GPHN: variants seen among roughly 807,000 people sequenced by gnomAD.
GPHN encodes the protein gephyrin.
A neutral mutation model predicts 95.5 loss-of-function variants in GPHN; 17 were observed. The ratio of observed to expected loss-of-function variants is 0.18; its 90% CI spans 0.12 to 0.27. The LOEUF (loss-of-function observed/expected upper bound fraction) is 0.27. GPHN is among the 10% of genes least tolerant of loss of function. GPHN has a pLI of 1.00. For missense variants in GPHN, 660 were observed against 978.1 expected, an observed-to-expected ratio of 0.67 and a Z score of 4.34; for synonymous variants, 320 against 322.5, an observed-to-expected ratio of 0.99 and a Z score of 0.08.
chr14:66,509,075 T>C, intron 1 of GPHN: 1 of 203,422 alleles, frequency 4.9e-6, no homozygotes, highest in South Asian at 8.6e-5. Flanking sequence ...TGTGCTTGCC[T>C]GGACGAGACT....
intron 9 of GPHN, among the ~76,000 whole-genome samples, chr14:67,023,164 A>G (rs955822876): frequency 6.6e-6 from 1 of 152,106 alleles, no homozygotes; most frequent in African/African-American, 2.4e-5. Context: ...TGTAAATGTT[A>G]TATAAGGATT....
intron 1 of GPHN, among the ~76,000 whole-genome samples, chr14:66,510,855 C>G (rs1034922235): frequency 6.6e-6 from 1 of 151,926 alleles, no homozygotes; most frequent in African/African-American, 2.4e-5. Flanking sequence ...GTAACATTAA[C>G]ATTGACAGTG....
intron 6 of GPHN, among the ~76,000 whole-genome samples, chr14:66,919,364 TA>T (rs1185849376): frequency 6.6e-6 from 1 of 152,070 alleles, no homozygotes; most frequent in African/African-American, 2.4e-5. Flanking sequence ...GCATGTGTGT[TA>T]AAAAAATGAT....
chr14:67,306,336 T>A, the GPHN span, among the ~76,000 whole-genome samples: 1 of 151,958 alleles, frequency 6.6e-6, no homozygotes, highest in African/African-American at 2.4e-5. Flanking sequence ...CTTTTCCTTC[T>A]TTTCTCTTTT....
At chr14:67,287,925 T>C in the GPHN span, among the ~76,000 whole-genome samples, 1 of 152,206 alleles carries the variant, frequency 6.6e-6, no homozygotes, top group South Asian at 2.1e-4. Flanking sequence ...CAGAAACTCC[T>C]TGGCCTTAAA....
chr14:66,907,387 A>G (rs1337912182), intron 5 of GPHN, among the ~76,000 whole-genome samples: 1 of 152,212 alleles, frequency 6.6e-6, no homozygotes, highest in East Asian at 1.9e-4. Context: ...TTATAAGAAC[A>G]GTAAAATGAT....
At chr14:66,616,459 T>G (rs2063039878) in intron 1 of GPHN, among the ~76,000 whole-genome samples, 2 of 151,632 alleles carry the variant, frequency 1.3e-5, no homozygotes, top group South Asian at 4.2e-4. Context: ...GTTTCAGTTG[T>G]CAGGTCCCTC....
chr14:66,623,640 C>T (rs1832090178), intron 1 of GPHN, among the ~76,000 whole-genome samples: 1 of 141,586 alleles, frequency 7.1e-6, no homozygotes, highest in East Asian at 2.0e-4. Context: ...AAAAAAAAAG[C>T]AAAGTCATGC....
chr14:66,932,793 C>G (rs2066896749), intron 8 of GPHN, among the ~76,000 whole-genome samples: 1 of 151,856 alleles, frequency 6.6e-6, no homozygotes, highest in South Asian at 2.1e-4. Context: ...GCCTTTCTGG[C>G]CCAAGGCAAG....
chr14:66,620,219 A>G (rs778866960), intron 1 of GPHN, among the ~76,000 whole-genome samples: 3 of 152,180 alleles, frequency 2.0e-5, no homozygotes, highest in Non-Finnish European at 2.9e-5. Context: ...CAGTATTGCT[A>G]TGGCTGCATA....
intron 4 of GPHN, among the ~76,000 whole-genome samples, chr14:66,874,899 T>C (rs1278573980): frequency 6.6e-6 from 1 of 151,890 alleles, no homozygotes; most frequent in Non-Finnish European, 1.5e-5. Flanking sequence ...ATTCAGGAAA[T>C]ACAAAGAACA....
chr14:66,781,610 T>G (rs1272843155), intron 3 of GPHN, among the ~76,000 whole-genome samples: 2 of 152,248 alleles, frequency 1.3e-5, no homozygotes, highest in Non-Finnish European at 2.9e-5. Context: ...TCATGTTTGC[T>G]CTCTTTGAAC....
At chr14:67,368,411 C>T in the GPHN span, among the ~76,000 whole-genome samples, 692 of 152,182 alleles carry the variant, frequency 4.5e-3, 1 homozygote, top group African/African-American at 8.1e-3. Flanking sequence ...CCCCACCTGA[C>T]GGAGGGGCAG....
At chr14:67,611,583 T>C in the GPHN span, among the ~76,000 whole-genome samples, 2 of 152,138 alleles carry the variant, frequency 1.3e-5, no homozygotes, top group African/African-American at 4.8e-5. Context: ...ACCCTGTAAT[T>C]GTATCACTGG....
At chr14:67,615,767 C>A in the GPHN span, 11,441 of 515,984 alleles carry the variant, frequency 0.022, 505 homozygotes, top group African/African-American at 0.11. Flanking sequence ...CAATGCACCC[C>A]AGAGGTCTCC....
At chr14:66,593,731 A>G (rs1216884806) in intron 1 of GPHN, among the ~76,000 whole-genome samples, 2 of 152,198 alleles carry the variant, frequency 1.3e-5, no homozygotes, top group Admixed American at 6.5e-5. Context: ...CTCAGCACTG[A>G]AAAGTTGAAG....
At chr14:66,564,361 G>A (rs1188197278) in intron 1 of GPHN, among the ~76,000 whole-genome samples, 1 of 151,996 alleles carries the variant, frequency 6.6e-6, no homozygotes. Context: ...CAAAGTCACT[G>A]AATAAAAAAA....
intron 14 of GPHN, among the ~76,000 whole-genome samples, chr14:67,111,118 C>CA (rs2078343959): frequency 6.6e-6 from 1 of 152,230 alleles, no homozygotes; most frequent in Non-Finnish European, 1.5e-5. Context: ...TGCCAAGAGA[C>CA]AGACACTTTC....
intron 1 of GPHN, among the ~76,000 whole-genome samples, chr14:66,667,596 C>T (rs1347463686): frequency 6.6e-6 from 1 of 152,136 alleles, no homozygotes; most frequent in Non-Finnish European, 1.5e-5. Context: ...AACTGGCTAG[C>T]CATAGGTCGA....
Sources: allele counts gnomAD v4.1 joint callset (sites outside exome capture counted in the v4.1 genomes callset), GRCh38; gene constraint gnomAD v4.1.1; transcripts MANE v1.5; gene names NCBI Gene and HGNC (gene_info 2026-07-23, HGNC 2026-07-21).